Variants in CEBPZ observed in about 807,000 individuals in gnomAD.
CEBPZ encodes CCAAT enhancer binding protein zeta.
A neutral mutation model predicts 104.5 loss-of-function variants in CEBPZ; 78 were observed. That is an observed-to-expected ratio of 0.75 (90% CI 0.62 to 0.90). The LOEUF (loss-of-function observed/expected upper bound fraction) is 0.90. Among genes scored for constraint, CEBPZ ranks in the 40% least tolerant of loss-of-function variants. The pLI, the probability that CEBPZ is intolerant of heterozygous loss-of-function variation, is 0.00. For missense variants in CEBPZ, 1,439 were observed against 1,233.5 expected, an observed-to-expected ratio of 1.17 and a Z score of -2.50; for synonymous variants, 470 against 427.0, an observed-to-expected ratio of 1.10 and a Z score of -1.24.
intron 1 of CEBPZ, among the ~76,000 whole-genome samples, chr2:37,231,120 G>GAA (rs1441134535): frequency 6.6e-6 from 1 of 152,210 alleles, no homozygotes; most frequent in African/African-American, 2.4e-5. Context: ...TCAGGACCAA[G>GAA]AAAAGCCACT....
intron 2 of CEBPZ, among the ~76,000 whole-genome samples, chr2:37,226,709 T>C (rs976824300): frequency 6.6e-6 from 1 of 152,070 alleles, no homozygotes; most frequent in Non-Finnish European, 1.5e-5. Flanking sequence ...TACGAACCAC[T>C]ACTCCACATT....
intron 11 of CEBPZ, 93 bp from the exon 12 acceptor site, chr2:37,212,132 T>C (rs991104924): frequency 8.6e-7 from 1 of 1,166,814 alleles, no homozygotes; most frequent in Non-Finnish European, 1.2e-6. Context: ...ATTAAATGAC[T>C]CAGAAGGAGA....
In CEBPZ at chr2:37,202,596, G is replaced by C. The variant is rs1677308409; in HGVS notation, c.3025+188C>G. ...GGAGATGGAGGTTGCAGTGAGCCAA[G>C]ATCATGCCACTGCATTCCAACCTGG... On this transcript the variant is annotated intron_variant, in intron 15 of 15. Coordinates refer to ENST00000234170, the MANE Select transcript of CEBPZ (RefSeq NM_005760.3). 9.8e-6 allele frequency: 4 copies of C among 409,130 alleles called. No individual in the cohort carries two copies. In the East Asian group the frequency reaches 1.2e-4, roughly 12 times the overall value. The allele number at this position is 409,130 out of a possible 1,614,324, so 25.3% of individuals were successfully genotyped here.
In CEBPZ at chr2:37,228,681, T is replaced by G; in HGVS notation, c.512A>C (p.Glu171Ala). ...KDKQNIFEFF[E>A]RQTLLLRPGG... ...AGGCCTAAGTAACAAAGTCTGTCTCTCAAAAAATTCAAAGATGTTCTGTTT... is the reference window on the plus strand; with the variant it reads ...AGGCCTAAGTAACAAAGTCTGTCTCGCAAAAAATTCAAAGATGTTCTGTTT... Residue 171 changes from glutamate to alanine, a missense_variant, in exon 2 of 16, where the codon GAG (glutamate) becomes GCG (alanine). Physicochemically the swap from Glu to Ala is moderately radical, Grantham distance 107. Coordinates refer to ENST00000234170, the MANE Select transcript of CEBPZ (RefSeq NM_005760.3). The G allele has an allele frequency of 6.2e-7, 1 of 1,614,184 alleles. No individual in the cohort carries two copies. The highest frequency in any genetic ancestry group is 2.2e-5 in the East Asian group (1 of 44,884).
chr2:37,212,128 T>C, intron 11 of CEBPZ, 89 bp from the exon 12 acceptor site: 1 of 1,196,418 alleles, frequency 8.4e-7, no homozygotes, highest in South Asian at 1.5e-5. Flanking sequence ...GGCTATTAAA[T>C]GACTCAGAAG....
In CEBPZ at chr2:37,223,166, A is replaced by G; in HGVS notation, c.1881+4T>C. The G allele has an allele frequency of 6.8e-6, 11 of 1,609,326 alleles. No homozygotes were observed. Among genetic ancestry groups the G allele is most frequent in the Non-Finnish European group, 7.7e-6 (9 of 1,176,208 alleles). On this transcript the variant is annotated splice_donor_region_variant and intron_variant, in intron 3 of 15. Transcript: ENST00000234170. The stretch of plus-strand genomic sequence containing the variant: ...TCAATTTAAAAAGCAGTTGTAAAAT[A>G]TACCGGATGATCATCTAGTTGGCTT...
At chr2:37,226,234 T>TC (rs1276521350) in intron 2 of CEBPZ, among the ~76,000 whole-genome samples, 8 of 152,052 alleles carry the variant, frequency 5.3e-5, no homozygotes, top group African/African-American at 1.9e-4. Context: ...AAATCTCTCG[T>TC]CCCACCTTAC....
Position 37,228,373 on chromosome 2 carries a change from T to TCTTGTG in CEBPZ, c.819_820insCACAAG (p.Val273_Lys274insHisLys). On this transcript the variant is annotated inframe_insertion, in exon 2 of 16. Transcript: ENST00000234170. Reference sequence around the variant, plus strand: ...CACTGCTGTTTGCTGCCCTTCTTTTTAACAAGGTTCACAAGAGTTTCTACA... The same window carrying TCTTGTG: ...CACTGCTGTTTGCTGCCCTTCTTTTTCTTGTGAACAAGGTTCACAAGAGTTTCTACA... 2 of 1,614,194 alleles carry TCTTGTG rather than the reference T, an allele frequency of 1.2e-6. No homozygotes were observed. The highest frequency in any genetic ancestry group is 1.7e-6 in the Non-Finnish European group (2 of 1,180,028).
At chr2:37,216,061 A>C in intron 8 of CEBPZ, 79 bp downstream of exon 8, 1 of 1,083,494 alleles carries the variant, frequency 9.2e-7, no homozygotes, top group Non-Finnish European at 1.3e-6. Context: ...CTGATAAATT[A>C]GAACAAAGAA....
intron 6 of CEBPZ, 57 bp downstream of exon 6, chr2:37,216,927 T>C: frequency 7.3e-7 from 1 of 1,361,246 alleles, no homozygotes; most frequent in Non-Finnish European, 1.0e-6. Flanking sequence ...AATTATTGAT[T>C]ATCTAAAATG....
rs1677816951 is a variant in CEBPZ, at chr2:37,214,365, A to C, written c.2448-404T>G. Among the ~76,000 whole-genome samples the C allele has an allele frequency of 2.0e-5, 3 of 152,154 alleles. No homozygotes were observed. The South Asian group carries it at 6.2e-4, about 31-fold the overall frequency. ...CCCTAAGGCATTAGGTTATGATACT[A>C]GTTGGTTTAGGACTTATTTCTATAA... On this transcript the variant is annotated intron_variant, in intron 9 of 15. Transcript: ENST00000234170.
chr2:37,215,843 G>A (rs2148353912), intron 8 of CEBPZ, among the ~76,000 whole-genome samples: 1 of 152,058 alleles, frequency 6.6e-6, no homozygotes, highest in East Asian at 1.9e-4. Flanking sequence ...TGAAGCTACG[G>A]ATGATAAAAT....
intron 5 of CEBPZ, among the ~76,000 whole-genome samples, chr2:37,218,443 T>C (rs1664689755): frequency 1.3e-5 from 2 of 152,044 alleles, no homozygotes; most frequent in Admixed American, 1.3e-4. Context: ...TGGCCTCATG[T>C]GTAGAAAATA....
At chr2:37,216,001 C>A in intron 8 of CEBPZ, 139 bp downstream of exon 8, 6 of 532,798 alleles carry the variant, frequency 1.1e-5, no homozygotes, top group Admixed American at 8.0e-5. Context: ...TTAAGAATAC[C>A]TATTCTTGGG....
intron 2 of CEBPZ, among the ~76,000 whole-genome samples, chr2:37,224,235 T>C (rs571919294): frequency 6.6e-6 from 1 of 152,350 alleles, no homozygotes; most frequent in South Asian, 2.1e-4. Flanking sequence ...CTGTCTTCTG[T>C]AGGCTGCTCT....
chr2:37,223,202 G>T lies in CEBPZ; in HGVS notation c.1849C>A (p.Pro617Thr). 6.2e-7 allele frequency: 1 copy of T among 1,613,862 alleles called. No individual in the cohort carries two copies. Among genetic ancestry groups the T allele is most frequent in the Non-Finnish European group, 8.5e-7 (1 of 1,179,958 alleles). Residue 617 changes from proline to threonine, a missense_variant, in exon 3 of 16, where the codon CCA (proline) becomes ACA (threonine). Transcript: ENST00000234170. ...YLVSEILKAKPGLRSQLDDHP... is the reference protein window; with the variant it reads ...YLVSEILKAKTGLRSQLDDHP... ...TCATCTAGTTGGCTTCTTAAACCTG[G>T]TTTTGCTTTAAGGATCTCAGACACA...
rs1034070531 is a variant in CEBPZ, at chr2:37,222,491, T to C, written c.1954A>G (p.Lys652Glu). Residue 652 changes from lysine to glutamate, a missense_variant, in exon 4 of 16, where the codon AAA becomes GAA. By Grantham distance (56) the Lys-to-Glu change is moderately conservative. Coordinates refer to ENST00000234170, the MANE Select transcript of CEBPZ (RefSeq NM_005760.3). ...EDMEKFTDAD[K>E]ETEIVKKLET... is the part of the protein sequence containing the mutation. Reference sequence around the variant, plus strand: ...AGTTTTTTCACTATCTCTGTTTCTTTGTCTGCATCAGTGAATTTTTCCATG... The same window carrying C: ...AGTTTTTTCACTATCTCTGTTTCTTCGTCTGCATCAGTGAATTTTTCCATG... 1.2e-6 allele frequency: 2 copies of C among 1,611,046 alleles called. No homozygotes were observed. The highest frequency in any genetic ancestry group is 1.3e-5 in the African/African-American group (1 of 74,760).
At chr2:37,224,321 C>T (rs1196925156) in intron 2 of CEBPZ, among the ~76,000 whole-genome samples, 3 of 152,176 alleles carry the variant, frequency 2.0e-5, no homozygotes, top group Non-Finnish European at 4.4e-5. Context: ...CCGGTCTAGA[C>T]CTGCAGATAT....
chr2:37,222,689 A>AT, intron 3 of CEBPZ, 126 bp from the exon 4 acceptor site: 1 of 602,548 alleles, frequency 1.7e-6, no homozygotes, highest in Non-Finnish European at 2.7e-6. Context: ...GTTCTAATAA[A>AT]GTAAAATGAT....
Sources: gnomAD v4.1 joint callset for allele counts (sites outside exome capture counted in the v4.1 genomes callset) on GRCh38, gnomAD v4.1.1 for gene constraint, MANE v1.5 for transcripts, NCBI Gene and HGNC (gene_info 2026-07-23, HGNC 2026-07-21) for gene names.